The following GLO1 variants were observed in gnomAD, a reference collection of about 807,000 sequenced individuals.
GLO1 encodes the protein lactoylglutathione lyase.
A neutral mutation model predicts 26.0 loss-of-function variants in GLO1; 28 were observed. That is an observed-to-expected ratio of 1.08 (90% confidence interval 0.80 to 1.48). The LOEUF is 1.48. Ranked by LOEUF, GLO1 falls within the 40% of genes most tolerant of loss-of-function variation. GLO1 has a pLI of 0.00. For synonymous variants in GLO1, 78 were observed against 77.6 expected, an observed-to-expected ratio of 1.00 and a Z score of -0.03; for missense variants, 225 against 224.8, an observed-to-expected ratio of 1.00 and a Z score of -0.01.
chr6:38,680,457 G>T (rs1761354232), intron 5 of GLO1, among the ~76,000 whole-genome samples: 1 of 152,218 alleles, frequency 6.6e-6, no homozygotes, highest in Non-Finnish European at 1.5e-5. Flanking sequence ...GGAGGCAGAG[G>T]TTGCGGTGAG....
intron 1 of GLO1, among the ~76,000 whole-genome samples, chr6:38,688,195 T>G (rs1761481708): frequency 6.6e-6 from 1 of 152,186 alleles, no homozygotes; most frequent in Admixed American, 6.5e-5. Context: ...TATTCGCAGC[T>G]TATAATCACA....
intron 1 of GLO1, among the ~76,000 whole-genome samples, chr6:38,690,971 A>C (rs1448326711): frequency 6.6e-6 from 1 of 152,218 alleles, no homozygotes; most frequent in African/African-American, 2.4e-5. Flanking sequence ...TAAAAAGTTA[A>C]GTTCCTAAAA....
At chr6:38,696,679 A>G (rs1011376202) in intron 1 of GLO1, among the ~76,000 whole-genome samples, 1 of 152,276 alleles carries the variant, frequency 6.6e-6, no homozygotes, top group East Asian at 1.9e-4. Context: ...ATTTCAACAC[A>G]TGAATTTTGA....
chr6:38,698,239 C>T (rs546485795), intron 1 of GLO1, among the ~76,000 whole-genome samples: 4 of 152,000 alleles, frequency 2.6e-5, no homozygotes, highest in Admixed American at 1.3e-4. Flanking sequence ...CACTGTGTTA[C>T]CCGTAGGTCC....
chr6:38,681,379 T>C (rs1395813377), intron 5 of GLO1, among the ~76,000 whole-genome samples: 1 of 152,176 alleles, frequency 6.6e-6, no homozygotes, highest in Non-Finnish European at 1.5e-5. Context: ...TTAAGTATTT[T>C]AATTTTTTTA....
At chr6:38,695,513 T>A (rs944598399) in intron 1 of GLO1, among the ~76,000 whole-genome samples, 4 of 152,150 alleles carry the variant, frequency 2.6e-5, no homozygotes, top group Non-Finnish European at 5.9e-5. Flanking sequence ...CTTAAATATT[T>A]CCACTGCTGG....
chr6:38,683,159 C>A, intron 3 of GLO1: 1 of 299,910 alleles, frequency 3.3e-6, no homozygotes, highest in East Asian at 5.7e-5. Flanking sequence ...CATTTAAACC[C>A]TTAAAACAGC....
Position 38,686,979 on chromosome 6 carries a change from G to A in GLO1, c.85-5C>T. On this transcript the variant is annotated splice_region_variant and splice_polypyrimidine_tract_variant and intron_variant, in intron 1 of 5. Coordinates refer to ENST00000373365, the MANE Select transcript of GLO1 (RefSeq NM_006708.3). ...GGTCTGCTGCAATAGAAAATCCTAT[G>A]GAAAAATATTTATATTAAACATCTT... 3 of 1,587,552 alleles carry A rather than the reference G, an allele frequency of 1.9e-6. No individual in the cohort carries two copies. The highest frequency in any genetic ancestry group is 1.7e-6 in the Non-Finnish European group (2 of 1,160,762).
chr6:38,698,092 C>T (rs60896390), intron 1 of GLO1, among the ~76,000 whole-genome samples: 2,332 of 152,210 alleles, frequency 0.015, 78 homozygotes, highest in African/African-American at 0.054. Context: ...CTATTTCATA[C>T]CCTTATCACT....
At chr6:38,694,856 C>T (rs868444657) in intron 1 of GLO1, among the ~76,000 whole-genome samples, 1 of 152,108 alleles carries the variant, frequency 6.6e-6, no homozygotes, top group Non-Finnish European at 1.5e-5. Flanking sequence ...GTATAATGTA[C>T]TTCTTATGTC....
intron 1 of GLO1, among the ~76,000 whole-genome samples, chr6:38,699,205 A>G (rs58702853): frequency 0.015 from 2,331 of 152,332 alleles, 79 homozygotes; most frequent in African/African-American, 0.054. Context: ...GCTGTGGCAG[A>G]GGAACATAAA....
At chr6:38,687,482 G>A (rs1206110090) in intron 1 of GLO1, among the ~76,000 whole-genome samples, 1 of 152,122 alleles carries the variant, frequency 6.6e-6, no homozygotes, top group African/African-American at 2.4e-5. Context: ...GTTGAATGAA[G>A]GCATAAATGC....
At chr6:38,682,991 C>T in intron 3 of GLO1, 116 bp from the exon 4 acceptor site, 2 of 648,342 alleles carry the variant, frequency 3.1e-6, no homozygotes, top group South Asian at 3.9e-5. Flanking sequence ...ATTGGCCTAA[C>T]CCCTGCTACA....
rs1761733237 is a variant in GLO1 at position 38,703,099 on chromosome 6, G to A, written c.-45C>T. ...AGACGACGGGACCCAAGGAACGGAGGAGTCACCCACACTACGCCTCGGCCC... is the reference window on the plus strand; with the variant it reads ...AGACGACGGGACCCAAGGAACGGAGAAGTCACCCACACTACGCCTCGGCCC... On this transcript the variant is annotated 5_prime_UTR_variant, in exon 1 of 6. Coordinates refer to ENST00000373365, the MANE Select transcript of GLO1 (RefSeq NM_006708.3). 5 of 1,137,378 alleles carry A rather than the reference G, an allele frequency of 4.4e-6. No individual in the cohort carries two copies. The highest frequency in any genetic ancestry group is 6.5e-6 in the Non-Finnish European group (5 of 764,824). 70.5% of individuals were successfully genotyped at this position (1,137,378 alleles called of 1,614,324 possible). A position where few individuals can be genotyped will look rare whatever the true frequency, so the allele number is the denominator to read the frequency against.
At chr6:38,682,772 A>C (rs1178516620) in intron 4 of GLO1, 36 bp downstream of exon 4, 1 of 1,147,178 alleles carries the variant, frequency 8.7e-7, no homozygotes, top group Non-Finnish European at 1.3e-6. Flanking sequence ...AAATCACACA[A>C]ATCTACATAT....
At chr6:38,677,508 C>A in intron 5 of GLO1, 125 bp from the exon 6 acceptor site, 1 of 617,690 alleles carries the variant, frequency 1.6e-6, no homozygotes, top group Non-Finnish European at 2.9e-6. Context: ...TGATCATGGC[C>A]CAAGGCAGGC....
At chr6:38,692,704 C>G (rs1761548596) in intron 1 of GLO1, among the ~76,000 whole-genome samples, 1 of 151,556 alleles carries the variant, frequency 6.6e-6, no homozygotes. Flanking sequence ...GAAATGCCCC[C>G]ATTCCTATTT....
chr6:38,684,516 T>TCTA lies in GLO1; in HGVS notation c.168-3_168-2insTAG. 2 of 1,501,650 alleles carry TCTA rather than the reference T, an allele frequency of 1.3e-6. No individual in the cohort carries two copies. Among genetic ancestry groups the TCTA allele is most frequent in the Non-Finnish European group, 8.9e-7 (1 of 1,124,366 alleles). 93.0% of individuals were successfully genotyped at this position (1,501,650 alleles called of 1,614,324 possible). Reference sequence around the variant, plus strand: ...GGAAAATCACATTTTTGGATTAGCCTGCAATGAAAAAACAACAAGCCTGAA... The same window carrying TCTA: ...GGAAAATCACATTTTTGGATTAGCCTCTAGCAATGAAAAAACAACAAGCCTGAA... On this transcript the variant is annotated splice_polypyrimidine_tract_variant and splice_region_variant and intron_variant, in intron 2 of 5. Coordinates refer to ENST00000373365, the MANE Select transcript of GLO1 (RefSeq NM_006708.3).
chr6:38,688,167 TATA>T (rs1449626545), intron 1 of GLO1, among the ~76,000 whole-genome samples: 30 of 152,170 alleles, frequency 2.0e-4, no homozygotes, highest in African/African-American at 7.0e-4. Context: ...TCTTAATAAA[TATA>T]ATAATTAAAT....
Sources: allele counts gnomAD v4.1 joint callset (sites outside exome capture counted in the v4.1 genomes callset), GRCh38; gene constraint gnomAD v4.1.1; transcripts MANE v1.5; gene names NCBI Gene and HGNC (gene_info 2026-07-23, HGNC 2026-07-21).